The following RPS6KC1 variants were observed in gnomAD, a reference collection of about 807,000 sequenced individuals.
The protein encoded by RPS6KC1 is inactive ribosomal protein S6 kinase delta-1.
RPS6KC1 carries 54 observed loss-of-function variants against 103.8 expected under a neutral mutation model. That is an observed-to-expected ratio of 0.52 (90% CI 0.42 to 0.65). The LOEUF (loss-of-function observed/expected upper bound fraction) is 0.65, where lower values mean the gene tolerates loss of function less well. Among genes scored for constraint, RPS6KC1 ranks in the 30% least tolerant of loss-of-function variants. RPS6KC1 has a pLI of 0.00. For synonymous variants in RPS6KC1, 439 were observed against 438.7 expected (o/e 1.00, Z -0.01); for missense variants, 1,151 against 1,253.8 (o/e 0.92, Z 1.24).
chr1:213,713,171 CT>C, the RPS6KC1 span, among the ~76,000 whole-genome samples: 1 of 151,760 alleles, frequency 6.6e-6, no homozygotes, highest in Non-Finnish European at 1.5e-5. Context: ...TTGTATTTTT[CT>C]TCTATTATTG....
the RPS6KC1 span, among the ~76,000 whole-genome samples, chr1:213,369,771 G>A: frequency 2.0e-5 from 3 of 152,342 alleles, no homozygotes; most frequent in South Asian, 6.2e-4. Context: ...GAACCTCCAA[G>A]GACAAGTCAG....
intron 8 of RPS6KC1, among the ~76,000 whole-genome samples, chr1:213,218,504 G>A (rs1325283098): frequency 1.3e-5 from 2 of 152,114 alleles, no homozygotes; most frequent in East Asian, 3.8e-4. Context: ...TTTCTTCACA[G>A]AATTGGAAAA....
the RPS6KC1 span, among the ~76,000 whole-genome samples, chr1:213,620,245 G>C: frequency 2.0e-5 from 3 of 152,222 alleles, no homozygotes; most frequent in Non-Finnish European, 4.4e-5. Flanking sequence ...GCAGGGCTCT[G>C]CTGGGCATTT....
At chr1:213,483,324 G>T in the RPS6KC1 span, among the ~76,000 whole-genome samples, 459 of 152,300 alleles carry the variant, frequency 3.0e-3, 1 homozygote, top group African/African-American at 0.01. Context: ...TTTGAGATGA[G>T]ATTTGGGTGG....
At chr1:213,559,990 A>G in the RPS6KC1 span, among the ~76,000 whole-genome samples, 10 of 152,088 alleles carry the variant, frequency 6.6e-5, no homozygotes, top group Admixed American at 6.6e-4. Flanking sequence ...ATAGTATTTC[A>G]CGGATGCTGA....
the RPS6KC1 span, among the ~76,000 whole-genome samples, chr1:213,289,406 G>A: frequency 5.3e-5 from 8 of 152,090 alleles, no homozygotes; most frequent in Non-Finnish European, 7.4e-5. Flanking sequence ...GCCTGGCATG[G>A]TGGGAAATCC....
At chr1:213,247,829 T>C (rs1240342060) in intron 12 of RPS6KC1, among the ~76,000 whole-genome samples, 3 of 152,192 alleles carry the variant, frequency 2.0e-5, no homozygotes, top group African/African-American at 4.8e-5. Flanking sequence ...AGGGTAAATA[T>C]TGATTTCTTA....
chr1:213,545,634 G>T, the RPS6KC1 span, among the ~76,000 whole-genome samples: 1 of 151,934 alleles, frequency 6.6e-6, no homozygotes, highest in African/African-American at 2.4e-5. Flanking sequence ...CCTCTGCAAA[G>T]ACCTTATCTC....
chr1:213,851,288 T>C, the RPS6KC1 span, among the ~76,000 whole-genome samples: 4 of 152,234 alleles, frequency 2.6e-5, no homozygotes, highest in African/African-American at 9.6e-5. Context: ...ATCATCTCTG[T>C]ATCACCTACC....
intron 5 of RPS6KC1, among the ~76,000 whole-genome samples, chr1:213,128,482 G>C (rs1197378394): frequency 6.6e-6 from 1 of 152,098 alleles, no homozygotes. Context: ...GAATATAAAA[G>C]GCTGTCCTGG....
the RPS6KC1 span, among the ~76,000 whole-genome samples, chr1:213,607,317 A>G: frequency 6.6e-6 from 1 of 152,238 alleles, no homozygotes; most frequent in Non-Finnish European, 1.5e-5. Flanking sequence ...GAAATGGGAT[A>G]TAAGCCCACA....
At chr1:213,113,198 A>G (rs1204512070) in intron 4 of RPS6KC1, among the ~76,000 whole-genome samples, 4 of 151,422 alleles carry the variant, frequency 2.6e-5, no homozygotes, top group East Asian at 1.9e-4. Flanking sequence ...AAGTGTTCCT[A>G]TTTCTCCACA....
At chr1:213,062,124 G>T (rs2077892768) in intron 1 of RPS6KC1, among the ~76,000 whole-genome samples, 1 of 152,018 alleles carries the variant, frequency 6.6e-6, no homozygotes, top group Admixed American at 6.6e-5. Flanking sequence ...GTACAGGTTA[G>T]CATCCCTATT....
chr1:213,829,759 C>G, the RPS6KC1 span, among the ~76,000 whole-genome samples: 2 of 152,198 alleles, frequency 1.3e-5, no homozygotes, highest in East Asian at 1.9e-4. Flanking sequence ...CCCCCTCCCC[C>G]AAAAAAGTCA....
At chr1:213,261,822 G>A (rs1031361779) in intron 13 of RPS6KC1, among the ~76,000 whole-genome samples, 182 bp downstream of exon 13, 2 of 152,092 alleles carry the variant, frequency 1.3e-5, no homozygotes, top group Admixed American at 6.6e-5. Context: ...AAGTTGGATT[G>A]CATTACATTG....
chr1:213,778,679 C>A, the RPS6KC1 span, among the ~76,000 whole-genome samples: 1 of 151,978 alleles, frequency 6.6e-6, no homozygotes, highest in Admixed American at 6.6e-5. Flanking sequence ...CGAGTGAGTA[C>A]AACAAGCAGG....
At chr1:213,851,167 T>C in the RPS6KC1 span, among the ~76,000 whole-genome samples, 1 of 152,130 alleles carries the variant, frequency 6.6e-6, no homozygotes, top group East Asian at 1.9e-4. Context: ...TCCTAAAATC[T>C]ATGACTAATT....
At chr1:213,551,789 G>T in the RPS6KC1 span, among the ~76,000 whole-genome samples, 83,370 of 152,014 alleles carry the variant, frequency 0.55, 24,262 homozygotes, top group Non-Finnish European at 0.64. Flanking sequence ...ATGTATGACA[G>T]GTATTCACCA....
At chr1:213,431,316 A>C in the RPS6KC1 span, among the ~76,000 whole-genome samples, 2 of 152,176 alleles carry the variant, frequency 1.3e-5, no homozygotes, top group African/African-American at 4.8e-5. Flanking sequence ...TAGGTTCAAG[A>C]ATAACAAGTA....
Sources: allele counts gnomAD v4.1 joint callset (sites outside exome capture counted in the v4.1 genomes callset), GRCh38; gene constraint gnomAD v4.1.1; transcripts MANE v1.5; gene names NCBI Gene and HGNC (gene_info 2026-07-23, HGNC 2026-07-21).